Variants in CSMD1 observed in about 807,000 individuals in gnomAD.
CSMD1 encodes CUB and sushi domain-containing protein 1.
In CSMD1, 213 loss-of-function variants were observed where a neutral mutation model predicts 417.5. That is an observed-to-expected ratio of 0.51 (90% CI 0.46 to 0.57). CSMD1 has a LOEUF of 0.57. Among genes scored for constraint, CSMD1 ranks in the 20% least tolerant of loss-of-function variants. CSMD1 has a pLI of 0.00. For synonymous variants in CSMD1, 2,862 were observed against 1,736.8 expected, an observed-to-expected ratio of 1.65 and a Z score of -16.11; for missense variants, 6,923 against 4,529.7, an observed-to-expected ratio of 1.53 and a Z score of -15.17.
intron 10 of CSMD1, among the ~76,000 whole-genome samples, chr8:3,570,163 T>C (rs1214468367): frequency 1.3e-5 from 2 of 152,220 alleles, no homozygotes; most frequent in Admixed American, 6.5e-5. Flanking sequence ...ACATACATCA[T>C]GAGTTTTAAT....
At chr8:4,531,537 G>T (rs1290118601) in intron 2 of CSMD1, among the ~76,000 whole-genome samples, 1 of 152,138 alleles carries the variant, frequency 6.6e-6, no homozygotes, top group Non-Finnish European at 1.5e-5. Context: ...AGGTTGGAAG[G>T]AAGGTGTAAC....
chr8:4,748,845 G>A (rs1310572824), intron 1 of CSMD1, among the ~76,000 whole-genome samples: 1 of 152,212 alleles, frequency 6.6e-6, no homozygotes, highest in Non-Finnish European at 1.5e-5. Flanking sequence ...TCACCACTGT[G>A]AACATACGCC....
At chr8:4,703,166 A>G (rs1357786253) in intron 1 of CSMD1, among the ~76,000 whole-genome samples, 1 of 152,214 alleles carries the variant, frequency 6.6e-6, no homozygotes, top group Non-Finnish European at 1.5e-5. Context: ...ATCTCCATTT[A>G]AGGAGATTCA....
chr8:3,183,777 C>A (rs1294409855), intron 36 of CSMD1, among the ~76,000 whole-genome samples: 1 of 152,210 alleles, frequency 6.6e-6, no homozygotes, highest in African/African-American at 2.4e-5. Flanking sequence ...CCAGACTGCC[C>A]TCCAATCAGT....
At chr8:3,754,684 A>T (rs904917541) in intron 5 of CSMD1, among the ~76,000 whole-genome samples, 5 of 152,140 alleles carry the variant, frequency 3.3e-5, no homozygotes, top group African/African-American at 9.7e-5. Context: ...CGAACTTGTG[A>T]CCTCAGGTGA....
chr8:3,986,525 A>C (rs2130242476), intron 5 of CSMD1, among the ~76,000 whole-genome samples: 1 of 152,086 alleles, frequency 6.6e-6, no homozygotes, highest in African/African-American at 2.4e-5. Context: ...TTCTTTTTCT[A>C]CTCCCATGAT....
intron 5 of CSMD1, among the ~76,000 whole-genome samples, chr8:3,907,368 T>C (rs1808181681): frequency 6.6e-6 from 1 of 152,208 alleles, no homozygotes; most frequent in Non-Finnish European, 1.5e-5. Flanking sequence ...AGTTCAATCT[T>C]TTTGGGAATT....
intron 3 of CSMD1, among the ~76,000 whole-genome samples, chr8:4,110,185 A>C (rs1374817650): frequency 6.6e-6 from 1 of 152,192 alleles, no homozygotes; most frequent in Non-Finnish European, 1.5e-5. Flanking sequence ...TCACATATCT[A>C]AAGAATAAAA....
intron 3 of CSMD1, among the ~76,000 whole-genome samples, chr8:4,352,634 A>T (rs1239915630): frequency 6.6e-6 from 1 of 152,230 alleles, no homozygotes; most frequent in Non-Finnish European, 1.5e-5. Flanking sequence ...GACACCGAGG[A>T]GCTTAACAGC....
chr8:4,869,269 A>G (rs890965089), intron 1 of CSMD1, among the ~76,000 whole-genome samples: 27 of 151,812 alleles, frequency 1.8e-4, no homozygotes, highest in African/African-American at 5.8e-4. Context: ...ATCATTTAAC[A>G]TAGTGCTAAT....
At position 3,574,995 on chromosome 8, in the gene CSMD1, C is replaced by A; in HGVS notation, c.1294G>T (p.Glu432Ter). 1 of 1,613,264 alleles carries A rather than the reference C, an allele frequency of 6.2e-7. No homozygotes were observed. The highest frequency in any genetic ancestry group is 8.5e-7 in the Non-Finnish European group (1 of 1,179,738). Residue 432 changes from glutamate (E) to a stop codon, truncating the protein, a stop_gained, in exon 10 of 70, where the codon GAA becomes TAA. Transcript: ENST00000635120. LOFTEE classifies it high-confidence loss of function. Reference sequence around the variant, plus strand: ...ACCCACACACAGTGTGCATTATCTTCATACTGAACCGGATAATTAGGGGAG... The same window carrying A: ...ACCCACACACAGTGTGCATTATCTTAATACTGAACCGGATAATTAGGGGAG... ...ITSPNYPVQY[E>*]DNAHCVWVIT...
In CSMD1 at chr8:3,377,775, T is replaced by C. The variant is rs759254614; in HGVS notation, c.2783-8405A>G. Among the ~76,000 whole-genome samples, 4 of 152,186 alleles carry C rather than the reference T, an allele frequency of 2.6e-5. No homozygotes were observed. The East Asian group carries it at 5.8e-4, about 22-fold the overall frequency. On this transcript the variant is annotated intron_variant, in intron 18 of 69. Transcript: ENST00000635120. ...AAACACCAGGTTAAGGGCTGTACTT[T>C]CCATGAATGTTTCCTCAGTTACTAC...
chr8:2,965,583 G>C (rs1281132954), intron 59 of CSMD1, among the ~76,000 whole-genome samples, 192 bp downstream of exon 59: 1 of 152,118 alleles, frequency 6.6e-6, no homozygotes, highest in East Asian at 1.9e-4. Context: ...ACCTCGCTAT[G>C]AGTTAGTTTT....
At chr8:3,773,304 G>A (rs1460693502) in intron 5 of CSMD1, among the ~76,000 whole-genome samples, 3 of 152,134 alleles carry the variant, frequency 2.0e-5, no homozygotes, top group Non-Finnish European at 4.4e-5. Flanking sequence ...GAGCTGGTAG[G>A]ATGGGGTCTT....
At chr8:4,853,613 G>C (rs530579729) in intron 1 of CSMD1, among the ~76,000 whole-genome samples, 2 of 152,230 alleles carry the variant, frequency 1.3e-5, no homozygotes, top group Non-Finnish European at 2.9e-5. Flanking sequence ...GTGCCAAAGG[G>C]AAATGTGGCA....
intron 4 of CSMD1, among the ~76,000 whole-genome samples, chr8:4,019,834 C>A (rs191981295): frequency 3.3e-5 from 5 of 151,544 alleles, no homozygotes; most frequent in African/African-American, 1.2e-4. Context: ...GCACTCTTGT[C>A]CTTTTTCCTG....
At chr8:3,347,555 G>A (rs978103909) in intron 22 of CSMD1, among the ~76,000 whole-genome samples, 19 of 152,148 alleles carry the variant, frequency 1.2e-4, no homozygotes, top group African/African-American at 4.6e-4. Context: ...TAAAAATCAA[G>A]ATTAACTACA....
chr8:4,668,534 C>G (rs1805095235), intron 1 of CSMD1, among the ~76,000 whole-genome samples: 2 of 151,270 alleles, frequency 1.3e-5, no homozygotes, highest in African/African-American at 4.9e-5. Context: ...ACTGCAAGCT[C>G]CGCCTCCCTG....
In CSMD1 at chr8:2,998,052, C is replaced by G. The variant is rs778214225; in HGVS notation, c.8336G>C (p.Arg2779Pro). 5.0e-6 allele frequency: 8 copies of G among 1,613,808 alleles called. No homozygotes were observed. Among genetic ancestry groups the G allele is most frequent in the African/African-American group, 4.0e-5 (3 of 74,908 alleles). Residue 2779 changes from arginine (R) to proline (P), a missense_variant, in exon 54 of 70, where the codon CGG becomes CCG. Physicochemically the swap from Arg to Pro is moderately radical, Grantham distance 103. Coordinates refer to ENST00000635120, the MANE Select transcript of CSMD1 (RefSeq NM_033225.6). ...LLQGVSRAQCRSNGQWSSPLP... is the reference protein window; with the variant it reads ...LLQGVSRAQCPSNGQWSSPLP... ...AGGGCTACTCCACTGGCCGTTGCTC[C>G]GACACTGGGCTCGAGACACGCCCTG...
Sources: gnomAD v4.1 joint callset for allele counts (sites outside exome capture counted in the v4.1 genomes callset) on GRCh38, gnomAD v4.1.1 for gene constraint, MANE v1.5 for transcripts, NCBI Gene and HGNC (gene_info 2026-07-23, HGNC 2026-07-21) for gene names.